GLI3: variants seen among roughly 807,000 people sequenced by gnomAD.
GLI3 encodes transcription activator GLI3.
GLI3 carries 20 observed loss-of-function variants against 100.8 expected under a neutral mutation model. That is an observed-to-expected ratio of 0.20 (90% CI 0.14 to 0.29). The LOEUF (loss-of-function observed/expected upper bound fraction) is 0.29, where lower values mean the gene tolerates loss of function less well. Ranked by LOEUF, GLI3 falls within the 10% of genes least tolerant of loss-of-function variation. GLI3 has a pLI of 1.00. For missense variants in GLI3, 2,040 were observed against 2,128.5 expected (o/e 0.96, Z 0.82); for synonymous variants, 938 against 860.5 (o/e 1.09, Z -1.58).
intron 12 of GLI3, among the ~76,000 whole-genome samples, chr7:41,975,810 A>T (rs1300995917): frequency 6.6e-6 from 1 of 152,226 alleles, no homozygotes; most frequent in Non-Finnish European, 1.5e-5. Flanking sequence ...CTCCATGATA[A>T]TAGGAGACAG....
intron 1 of GLI3, among the ~76,000 whole-genome samples, chr7:42,247,436 T>C (rs1283954244): frequency 6.6e-6 from 1 of 152,156 alleles, no homozygotes; most frequent in Non-Finnish European, 1.5e-5. Flanking sequence ...ACAGTCATTG[T>C]CTAGTGTATT....
chr7:42,001,071 C>G (rs779281186), intron 10 of GLI3, among the ~76,000 whole-genome samples: 70 of 151,444 alleles, frequency 4.6e-4, no homozygotes, highest in Non-Finnish European at 6.5e-4. Context: ...ATGGTGAAAC[C>G]CTGTCTCTAC....
intron 10 of GLI3, among the ~76,000 whole-genome samples, chr7:41,985,235 T>C (rs1315006558): frequency 6.6e-6 from 1 of 152,226 alleles, no homozygotes; most frequent in Admixed American, 6.5e-5. Flanking sequence ...AACATTCTCT[T>C]CTCAGAATGT....
intron 1 of GLI3, among the ~76,000 whole-genome samples, chr7:42,245,927 T>C (rs1465369047): frequency 6.8e-6 from 1 of 147,452 alleles, no homozygotes; most frequent in East Asian, 2.0e-4. Context: ...AAGGAAACCA[T>C]GAGGGGAGAT....
chr7:42,039,988 T>G, intron 7 of GLI3, 50 bp downstream of exon 7: 1 of 1,373,530 alleles, frequency 7.3e-7, no homozygotes, highest in Non-Finnish European at 1.0e-6. Flanking sequence ...TGCAAACAAG[T>G]GCTGACATTA....
At position 42,057,768 on chromosome 7, in the gene GLI3, A is replaced by C. The variant is rs574359747; in HGVS notation, c.474-9072T>G. Among the ~76,000 whole-genome samples, 3 of 152,328 alleles carry C rather than the reference A, an allele frequency of 2.0e-5. 1 individual carries two copies. Among genetic ancestry groups the C allele is most frequent in the African/African-American group, 7.2e-5 (3 of 41,582 alleles). On this transcript the variant is annotated intron_variant, in intron 4 of 14. Coordinates refer to ENST00000395925, the MANE Select transcript of GLI3 (RefSeq NM_000168.6). ...AGAGGCCATTATTCTAGGTGAAGTA[A>C]CTCAAGAATGGAAAACCAAATACCA...
intron 2 of GLI3, among the ~76,000 whole-genome samples, chr7:42,210,385 C>A: frequency 8.5e-6 from 1 of 117,558 alleles, no homozygotes; most frequent in African/African-American, 3.3e-5. Flanking sequence ...GTTATGCTGG[C>A]GTTTACCTGT....
chr7:42,026,100 A>G, intron 8 of GLI3, 99 bp downstream of exon 8: 1 of 772,404 alleles, frequency 1.3e-6, no homozygotes, highest in Non-Finnish European at 2.3e-6. Context: ...AGAGGCTGTG[A>G]GAACACAGAG....
chr7:41,979,202 A>G (rs1358625677), intron 10 of GLI3, among the ~76,000 whole-genome samples: 1 of 152,248 alleles, frequency 6.6e-6, no homozygotes, highest in African/African-American at 2.4e-5. Context: ...ACCGCGGCTT[A>G]GGCTTCAAAA....
chr7:42,084,508 CCAAA>C (rs1785061969), intron 3 of GLI3, among the ~76,000 whole-genome samples: 2 of 152,220 alleles, frequency 1.3e-5, no homozygotes, highest in African/African-American at 4.8e-5. Context: ...CCATATCCTT[CCAAA>C]CAGAGACTCT....
chr7:42,255,039 A>G (rs73688684), intron 1 of GLI3, among the ~76,000 whole-genome samples: 5,412 of 148,636 alleles, frequency 0.036, 331 homozygotes, highest in African/African-American at 0.13. Context: ...CTCTCTGCCT[A>G]TTTATCTCTC....
At chr7:41,998,000 C>G (rs1788176038) in intron 10 of GLI3, among the ~76,000 whole-genome samples, 1 of 152,150 alleles carries the variant, frequency 6.6e-6, no homozygotes, top group East Asian at 1.9e-4. Flanking sequence ...TATATGCCGG[C>G]TGCACACTTA....
At chr7:41,979,007 AC>A (rs2084322048) in intron 10 of GLI3, among the ~76,000 whole-genome samples, 1 of 152,200 alleles carries the variant, frequency 6.6e-6, no homozygotes, top group South Asian at 2.1e-4. Context: ...GAAATATACT[AC>A]AGTACACTGG....
chr7:42,258,894 A>G (rs1789112560), intron 1 of GLI3, among the ~76,000 whole-genome samples: 1 of 152,214 alleles, frequency 6.6e-6, no homozygotes, highest in Non-Finnish European at 1.5e-5. Context: ...CCATAGCATT[A>G]TCTTTCCTGA....
chr7:42,209,650 T>C (rs192025102), intron 2 of GLI3, among the ~76,000 whole-genome samples: 1 of 152,302 alleles, frequency 6.6e-6, no homozygotes, highest in Admixed American at 6.5e-5. Flanking sequence ...TTAAATCATG[T>C]GACCCAAGTC....
At chr7:42,021,660 C>T (rs1788946509) in intron 10 of GLI3, among the ~76,000 whole-genome samples, 1 of 152,214 alleles carries the variant, frequency 6.6e-6, no homozygotes, top group Non-Finnish European at 1.5e-5. Flanking sequence ...GCTCTTATTT[C>T]ATTCCTGATT....
At chr7:42,118,481 C>T (rs1389781359) in intron 3 of GLI3, 1 of 395,140 alleles carries the variant, frequency 2.5e-6, no homozygotes, top group Non-Finnish European at 4.5e-6. Context: ...GACCCCTAGC[C>T]CCCAATTTTC....
In GLI3 at chr7:42,020,088, T is replaced by C. The variant is rs138040999; in HGVS notation, c.1497+3380A>G. Among the ~76,000 whole-genome samples the C allele has an allele frequency of 1.8e-3, 278 of 152,204 alleles. 1 individual carries two copies. The highest frequency in any genetic ancestry group is 6.5e-3 in the African/African-American group (271 of 41,520). On this transcript the variant is annotated intron_variant, in intron 10 of 14. Transcript: ENST00000395925. ...ACATAATTGGTGAAGAAGAGGGGCT[T>C]GAAATAAAGGAGAAGAGAAAGGAAA...
intron 10 of GLI3, among the ~76,000 whole-genome samples, chr7:42,023,022 G>A (rs1433426774): frequency 6.6e-6 from 1 of 152,216 alleles, no homozygotes; most frequent in Non-Finnish European, 1.5e-5. Flanking sequence ...ACTAACTGCA[G>A]CTTAAAAGAA....
Sources: allele counts gnomAD v4.1 joint callset (sites outside exome capture counted in the v4.1 genomes callset), GRCh38; gene constraint gnomAD v4.1.1; transcripts MANE v1.5; gene names NCBI Gene and HGNC (gene_info 2026-07-23, HGNC 2026-07-21).